TBXT: variants seen among roughly 807,000 people sequenced by gnomAD.
TBXT encodes T-box transcription factor T.
In TBXT, 19 loss-of-function variants were observed where a neutral mutation model predicts 41.1. That is an observed-to-expected ratio of 0.46 (90% CI 0.32 to 0.68). TBXT has a LOEUF of 0.68. Among genes scored for constraint, TBXT ranks in the 30% least tolerant of loss-of-function variants. The pLI, the probability that TBXT is intolerant of heterozygous loss-of-function variation, is 0.03. For synonymous variants in TBXT, 213 were observed against 238.9 expected (o/e 0.89, Z 1.00); for missense variants, 536 against 582.0 (o/e 0.92, Z 0.81).
chr6:166,161,076 G>A (rs1778942347), intron 6 of TBXT, 110 bp from the exon 7 acceptor site: 2 of 1,394,304 alleles, frequency 1.4e-6, no homozygotes, highest in Non-Finnish European at 2.0e-6. Flanking sequence ...AAAACAAAAT[G>A]TACATGGGAT....
At chr6:166,167,873 T>G, upstream of TBXT, 1 of 509,098 alleles carries the variant, frequency 2.0e-6, no homozygotes, top group Non-Finnish European at 3.5e-6. Context: ...TTCAGTGCCC[T>G]CCCCATAAAT....
Position 166,167,475 on chromosome 6 carries a change from C to T in TBXT, c.117G>A (p.Glu39=). 2 of 1,612,140 alleles carry T rather than the reference C, an allele frequency of 1.2e-6. No homozygotes were observed. Among genetic ancestry groups the T allele is most frequent in the Non-Finnish European group, 1.7e-6 (2 of 1,179,928 alleles). ...QAGSEKGDPT[E]RELRVGLEES... ...CCTCCAGGCCCACGCGCAGTTCGCG[C>T]TCTGTGGGGTCGCCCTTCTCGCTGC... The change falls in exon 1 of 8, where the codon GAG becomes GAA. Residue 39 remains glutamate, a synonymous_variant. Transcript: ENST00000366876.
At chr6:166,162,249 T>C (rs1272186007) in intron 6 of TBXT, among the ~76,000 whole-genome samples, 198 bp downstream of exon 6, 1 of 152,226 alleles carries the variant, frequency 6.6e-6, no homozygotes. Flanking sequence ...TGGGTGTCCG[T>C]GGTTGTTCCG....
Position 166,162,514 on chromosome 6 carries a change from G to C in TBXT, c.840C>G (p.Tyr280Ter). Residue 280 changes from tyrosine (Y) to a stop codon, truncating the protein, a stop_gained, in exon 6 of 8, where the codon TAC becomes TAG. Transcript: ENST00000366876. LOFTEE classifies it high-confidence loss of function. Reference protein sequence around the residue: ...SLPSTHSCDRYPTLRSHRSSP... With the variant: ...SLPSTHSCDR Reference sequence around the variant, plus strand: ...AGGACCGGTGGCTCCTCAGGGTTGGGTACCTGTCACAGCTGTGCGTGGAGG... The same window carrying C: ...AGGACCGGTGGCTCCTCAGGGTTGGCTACCTGTCACAGCTGTGCGTGGAGG... 1 of 1,614,138 alleles carries C rather than the reference G, an allele frequency of 6.2e-7. No homozygotes were observed. The highest frequency in any genetic ancestry group is 8.5e-7 in the Non-Finnish European group (1 of 1,180,008).
chr6:166,167,053 GGA>G (rs1287295564), intron 1 of TBXT, among the ~76,000 whole-genome samples, 197 bp from the exon 2 acceptor site: 1 of 152,234 alleles, frequency 6.6e-6, no homozygotes, highest in Admixed American at 6.5e-5. Flanking sequence ...CACGGCCTCG[GGA>G]GGGAGGGGAG....
rs1017795215 is a variant in TBXT, at chr6:166,166,460, G to A, written c.471+132C>T. On this transcript the variant is annotated intron_variant, in intron 2 of 7. Transcript: ENST00000366876. ...CAGCGCTAAAGGCCTTATTAGAGAA[G>A]GCTGTGGCAGTTTCTCCAGGGCAGA... 3.6e-6 allele frequency: 5 copies of A among 1,403,124 alleles called. No homozygotes were observed. In the African/African-American group the frequency reaches 7.1e-5, roughly 20 times the overall value. The allele number at this position is 1,403,124 out of a possible 1,614,324, so 86.9% of individuals were successfully genotyped here.
chr6:166,164,859 G>A lies in TBXT; in HGVS notation c.609C>T (p.Ile203=). 3 of 1,611,852 alleles carry A rather than the reference G, an allele frequency of 1.9e-6. No individual in the cohort carries two copies. The highest frequency in any genetic ancestry group is 2.5e-6 in the Non-Finnish European group (3 of 1,179,658). The change falls in exon 4 of 8, where the codon ATC becomes ATT. Residue 203 remains isoleucine (I), a splice_region_variant and synonymous_variant. Transcript: ENST00000366876. ...IAVTAYQNEE[I]TALKIKYNPF... ...GATTGTACTTAATTTTAAGAGCTGT[G>A]ATCTGAAAAACAAGAAATTGCATTT... is the stretch of plus-strand genomic sequence containing the variant.
At position 166,167,717 on chromosome 6, in the gene TBXT, CTCCCGGG is replaced by C. The variant is rs1182539350; in HGVS notation, c.-133_-127del. The C allele has an allele frequency of 1.2e-5, 15 of 1,298,764 alleles. No homozygotes were observed. The highest frequency in any genetic ancestry group is 4.3e-5 in the Admixed American group (2 of 46,366). 80.5% of individuals were successfully genotyped at this position (1,298,764 alleles called of 1,614,324 possible). A position where few individuals can be genotyped will look rare whatever the true frequency, so the allele number is the denominator to read the frequency against. On this transcript the variant is annotated 5_prime_UTR_variant, in exon 1 of 8. Transcript: ENST00000366876. ...CCCCTTGGACCGAGACCTGCGACGG[CTCCCGGG>C]TCCCGGGTCCCGGCACAGACCCGGG...
At position 166,162,593 on chromosome 6, in the gene TBXT, G is replaced by T; in HGVS notation, c.761C>A (p.Thr254Asn). ...SGGWLLPGTS[T>N]LCPPANPHPQ... Reference sequence around the variant, plus strand: ...ATGAGGATTTGCAGGTGGACACAGGGTGCTGGTTCCAGGAAGAAGCCACCC... The same window carrying T: ...ATGAGGATTTGCAGGTGGACACAGGTTGCTGGTTCCAGGAAGAAGCCACCC... The change falls in exon 6 of 8, where the codon ACC (threonine) becomes AAC (asparagine). Residue 254 changes from threonine (T) to asparagine (N), a missense_variant. Physicochemically the swap from Thr to Asn is moderately conservative, Grantham distance 65 (BLOSUM62 0). Coordinates refer to ENST00000366876, the MANE Select transcript of TBXT (RefSeq NM_001366285.2). 6.2e-7 allele frequency: 1 copy of T among 1,613,970 alleles called. No homozygotes were observed. The highest frequency in any genetic ancestry group is 1.3e-5 in the African/African-American group (1 of 75,046).
chr6:166,162,935 C>T (rs1423214720), intron 5 of TBXT, among the ~76,000 whole-genome samples: 2 of 152,230 alleles, frequency 1.3e-5, no homozygotes, highest in Non-Finnish European at 2.9e-5. Flanking sequence ...ACTTAGGACA[C>T]AGTCTGCCTC....
At chr6:166,161,571 T>A (rs1362953587) in intron 6 of TBXT, among the ~76,000 whole-genome samples, 3 of 152,248 alleles carry the variant, frequency 2.0e-5, no homozygotes, top group African/African-American at 7.2e-5. Flanking sequence ...GGGATCTTTA[T>A]GGTCTATCCC....
chr6:166,162,595 G>T lies in TBXT; in HGVS notation c.759C>A (p.Ser253Arg). The T allele has an allele frequency of 1.2e-6, 2 of 1,613,842 alleles. No homozygotes were observed. The highest frequency in any genetic ancestry group is 1.7e-6 in the Non-Finnish European group (2 of 1,179,874). The stretch of plus-strand genomic sequence containing the variant: ...GAGGATTTGCAGGTGGACACAGGGT[G>T]CTGGTTCCAGGAAGAAGCCACCCCC... ...QSGGWLLPGT[S>R]TLCPPANPHP... The change falls in exon 6 of 8, where the codon AGC becomes AGA. Residue 253 changes from serine (S) to arginine (R), a missense_variant. By Grantham distance (110) the Ser-to-Arg change is moderately radical. Transcript: ENST00000366876.
In TBXT at chr6:166,157,707, G is replaced by C; in HGVS notation, c.*608C>G. ...AAAATGCTTTCTGCTGATTGTCTTTGGCTACTTTGTCAAAAGAAAAATATG... is the reference window on the plus strand; with the variant it reads ...AAAATGCTTTCTGCTGATTGTCTTTCGCTACTTTGTCAAAAGAAAAATATG... On this transcript the variant is annotated 3_prime_UTR_variant, in exon 8 of 8. Transcript: ENST00000366876. The C allele has an allele frequency of 6.5e-6, 1 of 153,428 alleles. No individual in the cohort carries two copies. The highest frequency in any genetic ancestry group is 1.9e-4 in the East Asian group (1 of 5,216). 9.5% of individuals were successfully genotyped at this position (153,428 alleles called of 1,614,324 possible). A position where few individuals can be genotyped will look rare whatever the true frequency, so the allele number is the denominator to read the frequency against.
At position 166,158,453 on chromosome 6, in the gene TBXT, G is replaced by C. The variant is rs1467741600; in HGVS notation, c.1173C>G (p.Val391=). The C allele has an allele frequency of 6.2e-7, 1 of 1,614,016 alleles. No individual in the cohort carries two copies. The highest frequency in any genetic ancestry group is 1.3e-5 in the African/African-American group (1 of 74,942). The change falls in exon 8 of 8, where the codon GTC becomes GTG. Residue 391 remains valine (V), a synonymous_variant. Transcript: ENST00000366876. Reference sequence around the variant, plus strand: ...GGGATCCCGAGGAAGAGGGCGCCGAGACCGGATGGGTGAGGGGTGTGTAGT... The same window carrying C: ...GGGATCCCGAGGAAGAGGGCGCCGACACCGGATGGGTGAGGGGTGTGTAGT... ...PAHYTPLTHP[V]SAPSSSGSPL... is the part of the protein sequence containing the mutation.
Position 166,158,466 on chromosome 6 carries a change from A to T in TBXT, c.1160T>A (p.Leu387His), listed in dbSNP as rs879139133. Residue 387 changes from leucine (L) to histidine (H), a missense_variant, in exon 8 of 8, where the codon CTC becomes CAC. Physicochemically the swap from Leu to His is moderately conservative, Grantham distance 99 (BLOSUM62 -3). Transcript: ENST00000366876. ...FRGSPAHYTP[L>H]THPVSAPSSS... Reference sequence around the variant, plus strand: ...AGAGGGCGCCGAGACCGGATGGGTGAGGGGTGTGTAGTGCGCGGGGGAGCC... The same window carrying T: ...AGAGGGCGCCGAGACCGGATGGGTGTGGGGTGTGTAGTGCGCGGGGGAGCC... 6.2e-7 allele frequency: 1 copy of T among 1,614,002 alleles called. No homozygotes were observed. Among genetic ancestry groups the T allele is most frequent in the Non-Finnish European group, 8.5e-7 (1 of 1,179,994 alleles).
At chr6:166,164,756 C>T (rs1401407412) in intron 4 of TBXT, 44 bp downstream of exon 4, 2 of 1,610,862 alleles carry the variant, frequency 1.2e-6, no homozygotes, top group Non-Finnish European at 8.5e-7. Flanking sequence ...CATCTTTCTG[C>T]ATACTTCTTT....
rs188120068 is a variant in TBXT at position 166,160,657 on chromosome 6, G to A, written c.1037+180C>T. 5.3e-4 allele frequency among the ~76,000 whole-genome samples: 80 copies of A among 152,232 alleles called. 1 individual carries two copies. In the Middle Eastern group the frequency reaches 0.014, roughly 26 times the overall value. On this transcript the variant is annotated intron_variant, in intron 7 of 7. Transcript: ENST00000366876. ...GCGAACAGACTGCAAACAGGAACTC[G>A]GCAGTCATGTCACCTGCAATCCCTG...
intron 1 of TBXT, 148 bp from the exon 2 acceptor site, chr6:166,167,004 C>G: frequency 7.2e-7 from 1 of 1,389,552 alleles, no homozygotes; most frequent in Non-Finnish European, 9.9e-7. Context: ...TCCCCCTTCC[C>G]CGAGCCCTGC....
Position 166,165,711 on chromosome 6 carries a change from C to T in TBXT, c.601G>A (p.Glu201Lys). 2 of 1,614,090 alleles carry T rather than the reference C, an allele frequency of 1.2e-6. No individual in the cohort carries two copies. The highest frequency in any genetic ancestry group is 1.3e-5 in the African/African-American group (1 of 75,034). The change falls in exon 3 of 8, where the codon GAG becomes AAG. Residue 201 changes from glutamate (E) to lysine (K), a missense_variant. Transcript: ENST00000366876. ...QFIAVTAYQNEEITALKIKYN... is the reference protein window; with the variant it reads ...QFIAVTAYQNKEITALKIKYN... ...TCCGCCTCTGTCCTTCTCACCTCCT[C>T]GTTCTGATAAGCAGTCACCGCTATG...
Sources: allele counts gnomAD v4.1 joint callset (sites outside exome capture counted in the v4.1 genomes callset), GRCh38; gene constraint gnomAD v4.1.1; transcripts MANE v1.5; gene names NCBI Gene and HGNC (gene_info 2026-07-23, HGNC 2026-07-21).